TEX15: variants seen among roughly 807,000 people sequenced by gnomAD.
TEX15 encodes the protein testis expressed 15, meiosis and synapsis associated, also known as testis-expressed protein 15.
In TEX15, 171 loss-of-function variants were observed where a neutral mutation model predicts 237.3. That is an observed-to-expected ratio of 0.72 (90% CI 0.64 to 0.82). TEX15 has a LOEUF of 0.82. Ranked by LOEUF, TEX15 falls within the 40% of genes least tolerant of loss-of-function variation. The probability of loss-of-function intolerance (pLI) is 0.00; values close to 1 mark genes in which losing one functional copy is unlikely to be tolerated. For synonymous variants in TEX15, 1,338 were observed against 1,269.8 expected, an observed-to-expected ratio of 1.05 and a Z score of -1.14; for missense variants, 3,750 against 3,646.5, an observed-to-expected ratio of 1.03 and a Z score of -0.73.
chr8:30,836,960 G>A lies in TEX15; in HGVS notation c.9324C>T (p.Gly3108=), dbSNP rs148081052. The change falls in exon 10 of 11, where the codon GGC becomes GGT. Residue 3108 remains glycine, a synonymous_variant. Transcript: ENST00000643185. ...GAAAATACCCATTCACTGGCACAAA[G>A]CCATTTGCTTGTGGCTCCCCCGCAA... is the stretch of plus-strand genomic sequence containing the variant. ...TYFAGEPQAN[G]FVPVNGYFQS... The A allele has an allele frequency of 1.2e-4, 196 of 1,614,152 alleles. No individual in the cohort carries two copies. The highest frequency in any genetic ancestry group is 4.9e-4 in the Middle Eastern group (3 of 6,062).
In TEX15 at chr8:30,845,878, T is replaced by C. The variant is rs1563238683; in HGVS notation, c.4289A>G (p.Gln1430Arg). 3 of 1,613,238 alleles carry C rather than the reference T, an allele frequency of 1.9e-6. No individual in the cohort carries two copies. The highest frequency in any genetic ancestry group is 2.2e-5 in the East Asian group (1 of 44,864). The change falls in exon 8 of 11, where the codon CAA becomes CGA. Residue 1430 changes from glutamine (Q) to arginine (R), a missense_variant. Gln to Arg is a conservative substitution (Grantham distance 43, BLOSUM62 1). Coordinates refer to ENST00000643185, the MANE Select transcript of TEX15 (RefSeq NM_001350162.2). ...TCTTTGAGACACAGAACTATAACCT[T>C]GAAGGTCACAACTTTCCCAGAAATT... is the stretch of plus-strand genomic sequence containing the variant. ...CNNFWESCDLQGYSSVSQRKY... is the reference protein window; with the variant it reads ...CNNFWESCDLRGYSSVSQRKY...
At chr8:30,855,280 T>C (rs1807885599) in intron 7 of TEX15, among the ~76,000 whole-genome samples, 1 of 152,182 alleles carries the variant, frequency 6.6e-6, no homozygotes, top group African/African-American at 2.4e-5. Context: ...ATCAATTATA[T>C]TTCTATACAT....
At chr8:30,894,417 C>T (rs541428315) in intron 2 of TEX15, among the ~76,000 whole-genome samples, 1 of 152,180 alleles carries the variant, frequency 6.6e-6, no homozygotes, top group Admixed American at 6.5e-5. Context: ...GTTTATAATA[C>T]CCTGCTTCCA....
Position 30,835,374 on chromosome 8 carries a change from T to C in TEX15, c.9481+1429A>G, listed in dbSNP as rs1807268825. Among the ~76,000 whole-genome samples, 3 of 152,144 alleles carry C rather than the reference T, an allele frequency of 2.0e-5. No homozygotes were observed. In the South Asian group the frequency reaches 6.2e-4, roughly 32 times the overall value. On this transcript the variant is annotated intron_variant, in intron 10 of 10. Transcript: ENST00000643185. ...GCTGGGATTACAGGTGCTCAGCCTC[T>C]ACTAAAAATTAAAAATAATAAAAAT...
rs1807350324 is a variant in TEX15, at chr8:30,838,006, T to A, written c.8278A>T (p.Ser2760Cys). 1 of 1,614,074 alleles carries A rather than the reference T, an allele frequency of 6.2e-7. No homozygotes were observed. The highest frequency in any genetic ancestry group is 8.5e-7 in the Non-Finnish European group (1 of 1,179,992). Residue 2760 changes from serine to cysteine, a missense_variant, in exon 10 of 11, where the codon AGT (serine) becomes TGT (cysteine). Coordinates refer to ENST00000643185, the MANE Select transcript of TEX15 (RefSeq NM_001350162.2). ...GGCGTTAAATGATTTCTTTTCAGACTGTCACATGAACTTGGTACTATTTTG... is the reference window on the plus strand; with the variant it reads ...GGCGTTAAATGATTTCTTTTCAGACAGTCACATGAACTTGGTACTATTTTG... ...ENKIVPSSCD[S>C]LKRNHLTPKK...
intron 7 of TEX15, among the ~76,000 whole-genome samples, chr8:30,857,260 G>C (rs1391358904): frequency 6.6e-6 from 1 of 151,942 alleles, no homozygotes; most frequent in Non-Finnish European, 1.5e-5. Flanking sequence ...AATAAACTGG[G>C]ACTTTAAAAG....
At chr8:30,895,676 C>CTTTTGTTTTTTTTTT (rs1808889123) in intron 2 of TEX15, among the ~76,000 whole-genome samples, 1 of 60,060 alleles carries the variant, frequency 1.7e-5, no homozygotes, top group Non-Finnish European at 2.7e-5. Context: ...TAAACACATG[C>CTTTTGTTTTTTTTTT]TTTTTTTTTT....
intron 4 of TEX15, among the ~76,000 whole-genome samples, chr8:30,868,580 T>C (rs1197806805): frequency 3.4e-5 from 5 of 145,684 alleles, no homozygotes; most frequent in African/African-American, 1.4e-4. Context: ...TGACTCATCA[T>C]TAACAGTAGG....
intron 8 of TEX15, among the ~76,000 whole-genome samples, chr8:30,841,252 A>T (rs1436142058): frequency 2.0e-5 from 3 of 152,292 alleles, no homozygotes; most frequent in East Asian, 3.9e-4. Context: ...CTTCTGAACT[A>T]AGAAGTCTTG....
Position 30,845,503 on chromosome 8 carries a change from G to A in TEX15, c.4664C>T (p.Ala1555Val), listed in dbSNP as rs1208513231. The A allele has an allele frequency of 1.2e-6, 2 of 1,613,458 alleles. No homozygotes were observed. The highest frequency in any genetic ancestry group is 1.1e-5 in the South Asian group (1 of 91,044). ...TGAGTGGTCTGGGGAAAACAGATAT[G>A]CAGTTTTTCCAGAAAAGGGCTGATG... ...EEHQPFSGKT[A>V]YLFSPDHSDE... The change falls in exon 8 of 11, where the codon GCA (alanine) becomes GTA (valine). Residue 1555 changes from alanine to valine, a missense_variant. Transcript: ENST00000643185.
intron 3 of TEX15, among the ~76,000 whole-genome samples, chr8:30,878,017 C>T (rs939043671): frequency 6.6e-6 from 1 of 151,612 alleles, no homozygotes; most frequent in Non-Finnish European, 1.5e-5. Flanking sequence ...AATTATTACT[C>T]TCTTCTCCGT....
At chr8:30,879,661 T>C (rs1392361020) in intron 3 of TEX15, among the ~76,000 whole-genome samples, 4 of 152,244 alleles carry the variant, frequency 2.6e-5, no homozygotes, top group Non-Finnish European at 5.9e-5. Flanking sequence ...GGTCACATTG[T>C]CTTTCTTACT....
At chr8:30,836,637 A>G (rs6980502) in intron 10 of TEX15, among the ~76,000 whole-genome samples, 166 bp downstream of exon 10, 17,769 of 152,140 alleles carry the variant, frequency 0.12, 1,732 homozygotes, top group African/African-American at 0.27. Flanking sequence ...TGACAACTAG[A>G]TTTCCACCCT....
chr8:30,847,814 A>T lies in TEX15; in HGVS notation c.2353T>A (p.Ser785Thr). 1.2e-6 allele frequency: 2 copies of T among 1,613,860 alleles called. No individual in the cohort carries two copies. The highest frequency in any genetic ancestry group is 1.7e-6 in the Non-Finnish European group (2 of 1,179,930). The change falls in exon 8 of 11, where the codon TCT becomes ACT. Residue 785 changes from serine to threonine, a missense_variant. By Grantham distance (58) the Ser-to-Thr change is moderately conservative. Coordinates refer to ENST00000643185, the MANE Select transcript of TEX15 (RefSeq NM_001350162.2). ...KEMFIDTVIS[S>T]YNIETAHDSS... ...TCATGAGCTGTTTCTATGTTATAAG[A>T]TGAAATAACTGTATCAATGAACATT...
chr8:30,881,902 C>T (rs978358877), intron 3 of TEX15, among the ~76,000 whole-genome samples: 4 of 152,026 alleles, frequency 2.6e-5, no homozygotes, highest in Admixed American at 6.6e-5. Flanking sequence ...GGATTACAGG[C>T]GTGAGCCACC....
rs1305529662 is a variant in TEX15 at position 30,844,850 on chromosome 8, A to G, written c.5317T>C (p.Ser1773Pro). ...TCTGTATGGAGGCAATTACCTGAAG[A>G]GCACTGTTCTGTCTTTAGAAGCTCT... ...EKELLKTEQC[S>P]SGNCLHTDGN... Residue 1773 changes from serine to proline, a missense_variant, in exon 8 of 11, where the codon TCT becomes CCT. By Grantham distance (74) the Ser-to-Pro change is moderately conservative (BLOSUM62 -1). Coordinates refer to ENST00000643185, the MANE Select transcript of TEX15 (RefSeq NM_001350162.2). The G allele has an allele frequency of 2.5e-6, 4 of 1,613,398 alleles. No individual in the cohort carries two copies. The East Asian group carries it at 6.7e-5, about 27-fold the overall frequency.
intron 5 of TEX15, 101 bp downstream of exon 5, chr8:30,867,164 G>T (rs946845606): frequency 8.6e-6 from 4 of 463,900 alleles, no homozygotes; most frequent in Non-Finnish European, 1.5e-5. Flanking sequence ...TTAATAGACT[G>T]CAGTTTAAAA....
At chr8:30,898,315 G>A (rs543157107) in intron 2 of TEX15, among the ~76,000 whole-genome samples, 5 of 152,226 alleles carry the variant, frequency 3.3e-5, no homozygotes, top group Admixed American at 6.5e-5. Context: ...CAGACCCCTC[G>A]TGAATGGGAT....
Position 30,858,829 on chromosome 8 carries a change from A to C in TEX15, c.689T>G (p.Val230Gly). 6.6e-7 allele frequency: 1 copy of C among 1,522,204 alleles called. No individual in the cohort carries two copies. The highest frequency in any genetic ancestry group is 8.8e-7 in the Non-Finnish European group (1 of 1,142,490). 94.3% of individuals were successfully genotyped at this position (1,522,204 alleles called of 1,614,324 possible). The part of the protein sequence containing the change: ...TIELQAYSSA[V>G]YFYEYSVLSK... ...AAGGACACTGTATTCATAGAAGTAC[A>C]CCTGAAAGATGAAAACAGGTTCATG... The change falls in exon 7 of 11, where the codon GTG becomes GGG. Residue 230 changes from valine (V) to glycine (G), a missense_variant and splice_region_variant. Coordinates refer to ENST00000643185, the MANE Select transcript of TEX15 (RefSeq NM_001350162.2).
Sources: gnomAD v4.1 joint callset for allele counts (sites outside exome capture counted in the v4.1 genomes callset) on GRCh38, gnomAD v4.1.1 for gene constraint, MANE v1.5 for transcripts, NCBI Gene and HGNC (gene_info 2026-07-23, HGNC 2026-07-21) for gene names.